The following CELF2 variants were observed in gnomAD, a reference collection of about 807,000 sequenced individuals.
CELF2 encodes CUG triplet repeat RNA-binding protein 2.
CELF2 carries 8 observed loss-of-function variants against 62.6 expected under a neutral mutation model. The observed-to-expected ratio is 0.13, with a 90% CI of 0.07 to 0.23. CELF2 has a LOEUF of 0.23. CELF2 is among the 10% of genes least tolerant of loss of function. The probability of loss-of-function intolerance (pLI) is 1.00; values close to 1 mark genes in which losing one functional copy is unlikely to be tolerated. For missense variants in CELF2, 333 were observed against 671.0 expected (o/e 0.50, Z 5.56); for synonymous variants, 258 against 250.0 (o/e 1.03, Z -0.30).
intron 1 of CELF2, among the ~76,000 whole-genome samples, chr10:11,153,252 C>T (rs2063676198): frequency 1.3e-5 from 2 of 152,018 alleles, no homozygotes; most frequent in South Asian, 4.2e-4. Context: ...ATATTCTCTT[C>T]CAGGTATTTT....
In CELF2 at chr10:11,330,106, GTTGT is replaced by G. The variant is rs964855706; in HGVS notation, c.*1058_*1061del. The G allele has an allele frequency of 1.4e-4, 22 of 152,532 alleles. No homozygotes were observed. The highest frequency in any genetic ancestry group is 1.2e-3 in the Admixed American group (19 of 15,284). 9.4% of individuals were successfully genotyped at this position (152,532 alleles called of 1,614,324 possible). A position where few individuals can be genotyped will look rare whatever the true frequency, so the allele number is the denominator to read the frequency against. On this transcript the variant is annotated 3_prime_UTR_variant, in exon 13 of 13. Transcript: ENST00000633077. The surrounding 1 kb of genome is among the most constrained non-coding windows in gnomAD (Gnocchi z 4.5). ...CCTGAAGTTCATGCTTTATCCTCTC[GTTGT>G]TTGTATCTGTCTGATTATTTTGTTT...
At chr10:11,170,102 A>G (rs917667366) in intron 2 of CELF2, among the ~76,000 whole-genome samples, 7 of 152,204 alleles carry the variant, frequency 4.6e-5, no homozygotes, top group East Asian at 1.9e-4. Context: ...GTAGTCTGGC[A>G]TGAAGGGAGA....
intron 1 of CELF2, among the ~76,000 whole-genome samples, chr10:10,913,544 C>G (rs1265927296): frequency 6.6e-6 from 1 of 151,186 alleles, no homozygotes; most frequent in African/African-American, 2.5e-5. Context: ...GCATGTGCCA[C>G]TACGCCCAGC....
chr10:10,488,083 G>A, the CELF2 span, among the ~76,000 whole-genome samples: 2 of 152,176 alleles, frequency 1.3e-5, no homozygotes, highest in African/African-American at 4.8e-5. Flanking sequence ...AAATAAACTT[G>A]TCATGTTCTA....
the CELF2 span, among the ~76,000 whole-genome samples, chr10:10,632,672 G>A: frequency 2.6e-5 from 4 of 152,024 alleles, no homozygotes; most frequent in East Asian, 1.9e-4. Flanking sequence ...GTCGGTGTTC[G>A]CTAGTCTTTC....
chr10:10,682,693 CT>C, the CELF2 span, among the ~76,000 whole-genome samples: 3 of 151,710 alleles, frequency 2.0e-5, no homozygotes, highest in African/African-American at 7.3e-5. Flanking sequence ...TCCATTGTCT[CT>C]TTGGATCACA....
At position 11,197,037 on chromosome 10, in the gene CELF2, GAAAGA is replaced by G. The variant is rs1174605085; in HGVS notation, c.272-20385_272-20381del. Among the ~76,000 whole-genome samples the G allele has an allele frequency of 2.0e-4, 5 of 25,064 alleles. 2 individuals are homozygous for G. The highest frequency in any genetic ancestry group is 3.7e-4 in the Non-Finnish European group (4 of 10,744). 16.4% of individuals were successfully genotyped at this position (25,064 alleles called of 152,430 possible). A position where few individuals can be genotyped will look rare whatever the true frequency, so the allele number is the denominator to read the frequency against. On this transcript the variant is annotated intron_variant, in intron 2 of 12. Transcript: ENST00000633077. ...GAAAGAAAGAAAGAAAAGAAAGAAA[GAAAGA>G]AAGAAAGAAAGAAAGAAAAGAAAGA...
chr10:10,807,113 TAAAG>T (rs2131629558), intron 1 of CELF2, among the ~76,000 whole-genome samples: 1 of 152,276 alleles, frequency 6.6e-6, no homozygotes, highest in African/African-American at 2.4e-5. Flanking sequence ...TGCTAGAAAA[TAAAG>T]AATCTCCTAT....
the CELF2 span, among the ~76,000 whole-genome samples, chr10:10,469,395 G>C: frequency 6.6e-6 from 1 of 151,902 alleles, no homozygotes; most frequent in Non-Finnish European, 1.5e-5. Context: ...CAGTCTTAAG[G>C]GAAACACATT....
chr10:11,197,199 T>C (rs1243257046), intron 2 of CELF2, among the ~76,000 whole-genome samples: 2 of 151,914 alleles, frequency 1.3e-5, no homozygotes, highest in Non-Finnish European at 2.9e-5. Context: ...AAAAGAAATC[T>C]CTGGTTGAAC....
intron 1 of CELF2, among the ~76,000 whole-genome samples, chr10:10,910,488 A>G (rs2063711584): frequency 6.6e-6 from 1 of 152,064 alleles, no homozygotes; most frequent in South Asian, 2.1e-4. Context: ...TGAGTTCATG[A>G]GTTTGAGACC....
At chr10:10,953,615 A>C (rs1186151629) in intron 2 of CELF2, among the ~76,000 whole-genome samples, 1 of 152,228 alleles carries the variant, frequency 6.6e-6, no homozygotes, top group Non-Finnish European at 1.5e-5. Context: ...AATGGATCAA[A>C]GACTTAAATG....
the CELF2 span, among the ~76,000 whole-genome samples, chr10:10,543,824 C>T: frequency 6.6e-6 from 1 of 152,186 alleles, no homozygotes. Context: ...TCAGAGGGTC[C>T]TACAGTCTTC....
In CELF2 at chr10:11,075,550, CAAAAG is replaced by C. The variant is rs1448619332; in HGVS notation, c.74+57390_74+57394del. On this transcript the variant is annotated intron_variant, in intron 1 of 12. Coordinates refer to ENST00000633077, the MANE Select transcript of CELF2 (RefSeq NM_001326342.2). The surrounding 1 kb of genome is among the most constrained non-coding windows in gnomAD (Gnocchi z 5.4). ...TATCTGCAAAGAGCTCTAAGAAACT[CAAAAG>C]AAGGCTGCTGTGTAAATTAAGTGGA... Among the ~76,000 whole-genome samples, 6 of 152,130 alleles carry C rather than the reference CAAAAG, an allele frequency of 3.9e-5. No homozygotes were observed. Among genetic ancestry groups the C allele is most frequent in the African/African-American group, 1.2e-4 (5 of 41,424 alleles).
upstream of CELF2, among the ~76,000 whole-genome samples, chr10:11,016,795 G>A (rs115186305): frequency 1.1e-4 from 17 of 152,302 alleles, no homozygotes; most frequent in Non-Finnish European, 1.5e-4. This position sits in a 1 kb window ranked among gnomAD's most constrained non-coding sequence, Gnocchi z 5.2. Context: ...CCATGTGTGT[G>A]TGCGTGTATG....
At chr10:10,667,871 T>C in the CELF2 span, among the ~76,000 whole-genome samples, 1 of 152,182 alleles carries the variant, frequency 6.6e-6, no homozygotes, top group African/African-American at 2.4e-5. Flanking sequence ...TGCAGCTTTT[T>C]ACCATGCAAA....
chr10:10,683,952 C>A, the CELF2 span, among the ~76,000 whole-genome samples: 1 of 152,176 alleles, frequency 6.6e-6, no homozygotes, highest in South Asian at 2.1e-4. Flanking sequence ...GACTGTTTCT[C>A]TTTCCTTTCA....
At chr10:11,175,193 A>G (rs2070597363) in intron 2 of CELF2, among the ~76,000 whole-genome samples, 1 of 152,152 alleles carries the variant, frequency 6.6e-6, no homozygotes, top group African/African-American at 2.4e-5. Context: ...ATATTGGGAA[A>G]CGTTTTTGAA....
intron 2 of CELF2, among the ~76,000 whole-genome samples, chr10:11,196,802 C>T (rs2057628830): frequency 6.6e-6 from 1 of 151,394 alleles, no homozygotes; most frequent in African/African-American, 2.4e-5. Context: ...CAAAAAAATA[C>T]AAAAATTAGC....
Sources: gnomAD v4.1 joint callset for allele counts (sites outside exome capture counted in the v4.1 genomes callset) on GRCh38, gnomAD v4.1.1 for gene constraint, Gnocchi (gnomAD v3.1) non-coding constraint, MANE v1.5 for transcripts, NCBI Gene and HGNC (gene_info 2026-07-23, HGNC 2026-07-21) for gene names.